The following SETD1B variants were observed in gnomAD, a reference collection of about 807,000 sequenced individuals.
The protein encoded by SETD1B is histone-lysine N-methyltransferase SETD1B.
In SETD1B, 7 loss-of-function variants were observed where a neutral mutation model predicts 148.0. The observed-to-expected ratio is 0.05, with a 90% confidence interval of 0.03 to 0.09. The LOEUF (loss-of-function observed/expected upper bound fraction) is 0.09. SETD1B is among the 10% of genes least tolerant of loss of function. The pLI is 1.00. For missense variants in SETD1B, 2,155 were observed against 2,729.9 expected (o/e 0.79, Z 4.69); for synonymous variants, 1,361 against 1,186.5 (o/e 1.15, Z -3.02).
rs769693399 is a variant in SETD1B at position 121,817,008 on chromosome 12, C to T, written c.2716-25C>T. On this transcript the variant is annotated intron_variant, in intron 7 of 16. Coordinates refer to ENST00000604567, the MANE Select transcript of SETD1B (RefSeq NM_001353345.2). The surrounding 1 kb of genome is among the most constrained non-coding windows in gnomAD (Gnocchi z 8.1). ...GGGTTGGTGGTGCCAGAAGCGGTGA[C>T]GGTCCCCTCCTGTCTCCACCCCAGG... 140 of 1,475,156 alleles carry T rather than the reference C, an allele frequency of 9.5e-5. No homozygotes were observed. The highest frequency in any genetic ancestry group is 5.8e-4 in the African/African-American group (41 of 71,180). The allele number at this position is 1,475,156 out of a possible 1,614,324, so 91.4% of individuals were successfully genotyped here. A position where few individuals can be genotyped will look rare whatever the true frequency, so the allele number is the denominator to read the frequency against.
Position 121,810,052 on chromosome 12 carries a change from G to A in SETD1B, c.1107G>A (p.Lys369=), listed in dbSNP as rs1220547031. The A allele has an allele frequency of 4.5e-6, 7 of 1,550,266 alleles. No homozygotes were observed. Among genetic ancestry groups the A allele is most frequent in the South Asian group, 2.4e-5 (2 of 84,064 alleles). The change falls in exon 6 of 17, where the codon AAG becomes AAA. Residue 369 remains lysine, a synonymous_variant. Coordinates refer to ENST00000604567, the MANE Select transcript of SETD1B (RefSeq NM_001353345.2). This position sits in a 1 kb window ranked among gnomAD's most constrained non-coding sequence, Gnocchi z 7.6. ...GTGGSSGPPF[K]AQPQDSATFA... is the part of the protein sequence containing the mutation. ...GGGGCAGCAGCGGTCCCCCGTTCAA[G>A]GCTCAACCACAGGATTCAGCCACAT...
chr12:121,803,348 C>CA, upstream of SETD1B: 1 of 152,306 alleles, frequency 6.6e-6, no homozygotes, highest in Non-Finnish European at 1.5e-5. This position sits in a 1 kb window ranked among gnomAD's most constrained non-coding sequence, Gnocchi z 4.7. Flanking sequence ...GTGTTCAGGA[C>CA]AATTACAGGG....
the SETD1B span, among the ~76,000 whole-genome samples, chr12:121,794,925 CAGAT>C: frequency 1.3e-5 from 2 of 152,198 alleles, no homozygotes; most frequent in African/African-American, 4.8e-5. Context: ...GTAGTTTCCT[CAGAT>C]AGGGGCTGGC....
rs1000828613 is a variant in SETD1B, at chr12:121,805,559, A to AG, written c.274-270dup. 1.3e-5 allele frequency among the ~76,000 whole-genome samples: 2 copies of AG among 152,062 alleles called. No individual in the cohort carries two copies. The highest frequency in any genetic ancestry group is 4.8e-5 in the African/African-American group (2 of 41,402). On this transcript the variant is annotated intron_variant, in intron 3 of 16. Transcript: ENST00000604567. The surrounding 1 kb of genome is among the most constrained non-coding windows in gnomAD (Gnocchi z 4.2). ...CGGCAGCAGGAAGAGAAGGCCAGAA[A>AG]GGGGGGTGGGGAAAGAGAAACTGTT...
Position 121,823,349 on chromosome 12 carries a change from A to ACCCCCCCC in SETD1B, c.4775_4776insCCCCCCCC (p.Pro1595HisfsTer8). The ACCCCCCCC allele has an allele frequency of 1.2e-5, 2 of 166,808 alleles. No individual in the cohort carries two copies. Among genetic ancestry groups the ACCCCCCCC allele is most frequent in the Non-Finnish European group, 9.3e-6 (1 of 107,784 alleles). 10.3% of individuals were successfully genotyped at this position (166,808 alleles called of 1,614,324 possible). Reference sequence around the variant, plus strand: ...CTCCACCACCCCTTCCCCCCCAGCCACCCCCACCCCCACCTCCCCCACCTG... The same window carrying ACCCCCCCC: ...CTCCACCACCCCTTCCCCCCCAGCCACCCCCCCCCCCCCACCCCCACCTCCCCCACCTG... On this transcript the variant is annotated frameshift_variant, in exon 12 of 17. Transcript: ENST00000604567. LOFTEE classifies it high-confidence loss of function.
rs761326011 is a variant in SETD1B, at chr12:121,814,172, A to G, written c.1957A>G (p.Ser653Gly). The change falls in exon 7 of 17, where the codon AGC becomes GGC. Residue 653 changes from serine to glycine, a missense_variant. Physicochemically the swap from Ser to Gly is moderately conservative, Grantham distance 56. This residue lies in a region of SETD1B where 295 missense variants were observed against 303.8 expected (regional missense o/e 0.97). Coordinates refer to ENST00000604567, the MANE Select transcript of SETD1B (RefSeq NM_001353345.2). ...DDEMPSAPITSADCPKPMVVT... is the reference protein window; with the variant it reads ...DDEMPSAPITGADCPKPMVVT... The stretch of plus-strand genomic sequence containing the variant: ...CGAGATGCCCTCGGCCCCCATCACC[A>G]GCGCTGACTGCCCCAAGCCCATGGT... The G allele has an allele frequency of 7.8e-6, 12 of 1,543,856 alleles. No individual in the cohort carries two copies. The highest frequency in any genetic ancestry group is 1.4e-5 in the African/African-American group (1 of 71,382).
rs372787095 is a variant in SETD1B, at chr12:121,827,500, C to T, written c.5338-19C>T. ...GGACACGGCCAGCTCCGCTGAGCCCCGCACACCGTCCACTGCAGGGCATGA... is the reference window on the plus strand; with the variant it reads ...GGACACGGCCAGCTCCGCTGAGCCCTGCACACCGTCCACTGCAGGGCATGA... On this transcript the variant is annotated intron_variant, in intron 13 of 16. Coordinates refer to ENST00000604567, the MANE Select transcript of SETD1B (RefSeq NM_001353345.2). 9,883 of 1,522,676 alleles carry T rather than the reference C, an allele frequency of 6.5e-3. 52 individuals are homozygous for T. Among genetic ancestry groups the T allele is most frequent in the South Asian group, 0.018 (1,522 of 82,752 alleles). 94.3% of individuals were successfully genotyped at this position (1,522,676 alleles called of 1,614,324 possible).
chr12:121,809,287 T>C (rs2137549957), intron 5 of SETD1B, among the ~76,000 whole-genome samples: 1 of 152,310 alleles, frequency 6.6e-6, no homozygotes, highest in South Asian at 2.1e-4. Context: ...TGGAAGGTCT[T>C]TGATTTCTGA....
rs367686439 is a variant in SETD1B, at chr12:121,831,168, G to A, written c.*929G>A. Reference sequence around the variant, plus strand: ...GGTGGGACAGGGCTCCCAAGGGCAGGCGGGTCCCCCAGTCCCGCCATTACG... The same window carrying A: ...GGTGGGACAGGGCTCCCAAGGGCAGACGGGTCCCCCAGTCCCGCCATTACG... On this transcript the variant is annotated 3_prime_UTR_variant, in exon 17 of 17. Coordinates refer to ENST00000604567, the MANE Select transcript of SETD1B (RefSeq NM_001353345.2). 15 of 152,240 alleles carry A rather than the reference G, an allele frequency of 9.9e-5. No homozygotes were observed. The highest frequency in any genetic ancestry group is 7.8e-4 in the Admixed American group (12 of 15,296). The allele number at this position is 152,240 out of a possible 1,614,324, so 9.4% of individuals were successfully genotyped here.
upstream of SETD1B, chr12:121,803,281 A>T (rs1344604870): frequency 6.6e-6 from 1 of 152,196 alleles, no homozygotes; most frequent in Non-Finnish European, 1.5e-5. This position sits in a 1 kb window ranked among gnomAD's most constrained non-coding sequence, Gnocchi z 4.7. Context: ...GAAAAGATAA[A>T]TGCAAAAAAG....
At position 121,822,655 on chromosome 12, in the gene SETD1B, A is replaced by AC. The variant is rs771116594; in HGVS notation, c.4082dup (p.His1362AlafsTer55). 2 of 1,549,490 alleles carry AC rather than the reference A, an allele frequency of 1.3e-6. No homozygotes were observed. The highest frequency in any genetic ancestry group is 2.0e-5 in the Admixed American group (1 of 50,838). On this transcript the variant is annotated frameshift_variant, in exon 12 of 17. Transcript: ENST00000604567. LOFTEE classifies it high-confidence loss of function. ...CCTCCGGAGCCCCTTGCCGAGGACC[A>AC]CCCCCCGCATACTCCAGGCCTCTGT...
Position 121,819,808 on chromosome 12 carries a change from A to T in SETD1B, c.3823A>T (p.Ser1275Cys), listed in dbSNP as rs1347018113. 1.3e-6 allele frequency: 2 copies of T among 1,551,568 alleles called. No individual in the cohort carries two copies. The highest frequency in any genetic ancestry group is 2.4e-5 in the South Asian group (2 of 84,056). ...GGAGCCGCCTGAGGAACCAGGCCTG[A>T]GCCAGGAAGGGGCCATGTTGCTGTC... ...SREPPEEPGLSQEGAMLLSPE... is the reference protein window; with the variant it reads ...SREPPEEPGLCQEGAMLLSPE... The change falls in exon 11 of 17, where the codon AGC (serine) becomes TGC (cysteine). Residue 1275 changes from serine to cysteine, a missense_variant. Physicochemically the swap from Ser to Cys is moderately radical, Grantham distance 112. Around this residue, in one of 11 missense-constraint regions of SETD1B, gnomAD observed 862 missense variants for 873.8 expected, o/e 0.99. Transcript: ENST00000604567.
At position 121,810,813 on chromosome 12, in the gene SETD1B, C is replaced by T. The variant is rs769557146; in HGVS notation, c.1868C>T (p.Pro623Leu). ...VALDLVGDRT[P>L]TSEKMDEGQQ... The stretch of plus-strand genomic sequence containing the variant: ...TTGGACCTGGTTGGAGACAGAACCC[C>T]GACCTCAGAGAAGATGGATGAGGTA... The change falls in exon 6 of 17, where the codon CCG (proline) becomes CTG (leucine). Residue 623 changes from proline to leucine, a missense_variant. By Grantham distance (98) the Pro-to-Leu change is moderately conservative. Transcript: ENST00000604567. This position sits in a 1 kb window ranked among gnomAD's most constrained non-coding sequence, Gnocchi z 7.6. The T allele has an allele frequency of 1.1e-5, 16 of 1,518,550 alleles. No individual in the cohort carries two copies. The highest frequency in any genetic ancestry group is 3.4e-4 in the Middle Eastern group (2 of 5,852). 94.1% of individuals were successfully genotyped at this position (1,518,550 alleles called of 1,614,324 possible). A position where few individuals can be genotyped will look rare whatever the true frequency, so the allele number is the denominator to read the frequency against.
At chr12:121,822,140 T>A (rs1440045037) in intron 11 of SETD1B, among the ~76,000 whole-genome samples, 1 of 152,128 alleles carries the variant, frequency 6.6e-6, no homozygotes, top group Non-Finnish European at 1.5e-5. Flanking sequence ...AGGAAAAAAA[T>A]CCTTGAAGGC....
intron 6 of SETD1B, among the ~76,000 whole-genome samples, chr12:121,811,936 G>C (rs1205198403): frequency 6.6e-6 from 1 of 152,160 alleles, no homozygotes; most frequent in Non-Finnish European, 1.5e-5. Flanking sequence ...CTGTAGGGGG[G>C]CCGCCGGCCC....
chr12:121,826,840 C>T (rs1876864923), intron 13 of SETD1B, among the ~76,000 whole-genome samples: 1 of 151,174 alleles, frequency 6.6e-6, no homozygotes, highest in South Asian at 2.1e-4. Flanking sequence ...GGTGACAGCC[C>T]AGGGTGTGGC....
At position 121,822,973 on chromosome 12, in the gene SETD1B, C is replaced by A. The variant is rs542008950; in HGVS notation, c.4394C>A (p.Pro1465Gln). The A allele has an allele frequency of 6.4e-5, 99 of 1,537,550 alleles. 1 individual carries two copies. In the South Asian group the frequency reaches 1.1e-3, roughly 17 times the overall value. The change falls in exon 12 of 17, where the codon CCG becomes CAG. Residue 1465 changes from proline to glutamine, a missense_variant. Physicochemically the swap from Pro to Gln is moderately conservative, Grantham distance 76. This residue lies in a region of SETD1B where 862 missense variants were observed against 873.8 expected (regional missense o/e 0.99). Coordinates refer to ENST00000604567, the MANE Select transcript of SETD1B (RefSeq NM_001353345.2). ...RDERSGPLASPVLLETGLPLP... is the reference protein window; with the variant it reads ...RDERSGPLASQVLLETGLPLP... ...GAACGCTCCGGGCCCCTGGCCTCCC[C>A]GGTGCTCCTGGAGACGGGCCTGCCC...
chr12:121,810,985 A>C lies in SETD1B; in HGVS notation c.1890+150A>C. 1 of 1,090,922 alleles carries C rather than the reference A, an allele frequency of 9.2e-7. No homozygotes were observed. The highest frequency in any genetic ancestry group is 1.9e-5 in the South Asian group (1 of 52,454). The allele number at this position is 1,090,922 out of a possible 1,614,324, so 67.6% of individuals were successfully genotyped here. A position where few individuals can be genotyped will look rare whatever the true frequency, so the allele number is the denominator to read the frequency against. ...AACAGGTGGAACTTACAGAATAAAA[A>C]GGGGATGCAGAAAACACCAGGGGCT... is the stretch of plus-strand genomic sequence containing the variant. On this transcript the variant is annotated intron_variant, in intron 6 of 16. Transcript: ENST00000604567. This position sits in a 1 kb window ranked among gnomAD's most constrained non-coding sequence, Gnocchi z 7.6.
At position 121,810,769 on chromosome 12, in the gene SETD1B, C is replaced by T. The variant is rs1002640449; in HGVS notation, c.1824C>T (p.Ser608=). The part of the protein sequence containing the change: ...PGPPDPAGLL[S]QTAEVALDLV... ...CCCCGGACCCTGCTGGGCTTCTGAG[C>T]CAGACAGCTGAGGTGGCCTTGGACC... Residue 608 remains serine (S), a synonymous_variant, in exon 6 of 17, where the codon AGC becomes AGT. Coordinates refer to ENST00000604567, the MANE Select transcript of SETD1B (RefSeq NM_001353345.2). The surrounding 1 kb of genome is among the most constrained non-coding windows in gnomAD (Gnocchi z 7.6). The T allele has an allele frequency of 2.0e-5, 31 of 1,547,550 alleles. No homozygotes were observed. In the Admixed American group the frequency reaches 5.1e-4, roughly 26 times the overall value.
Sources: gnomAD v4.1 joint callset for allele counts (sites outside exome capture counted in the v4.1 genomes callset) on GRCh38, gnomAD v4.1.1 for gene constraint, gnomAD v4.1.1 regional missense constraint, Gnocchi (gnomAD v3.1) non-coding constraint, MANE v1.5 for transcripts, NCBI Gene and HGNC (gene_info 2026-07-23, HGNC 2026-07-21) for gene names.